DLG2: variants seen among roughly 807,000 people sequenced by gnomAD.
DLG2 encodes discs large MAGUK scaffold protein 2, also known as disks large homolog 2.
A neutral mutation model predicts 132.5 loss-of-function variants in DLG2; 45 were observed. That is an observed-to-expected ratio of 0.34 (90% CI 0.27 to 0.44). DLG2 has a LOEUF of 0.44. Ranked by LOEUF, DLG2 falls within the 20% of genes least tolerant of loss-of-function variation. The pLI is 1.00. For missense variants in DLG2, 1,045 were observed against 1,196.9 expected (o/e 0.87, Z 1.87); for synonymous variants, 424 against 419.6 (o/e 1.01, Z -0.13).
chr11:83,808,822 T>G (rs1332920992), intron 17 of DLG2, among the ~76,000 whole-genome samples: 1 of 152,144 alleles, frequency 6.6e-6, no homozygotes, highest in African/African-American at 2.4e-5. Context: ...GATTCTCATT[T>G]TTTTTCCTCT....
At position 83,469,369 on chromosome 11, in the gene DLG2, A is replaced by T. The variant is rs1435226290; in HGVS notation, c.2451T>A (p.Thr817=). 1.9e-6 allele frequency: 3 copies of T among 1,608,212 alleles called. No individual in the cohort carries two copies. The highest frequency in any genetic ancestry group is 2.5e-6 in the Non-Finnish European group (3 of 1,178,078). Residue 817 remains threonine (T), a synonymous_variant, in exon 25 of 28, where the codon ACT becomes ACA. Coordinates refer to ENST00000376104, the MANE Select transcript of DLG2 (RefSeq NM_001142699.3). The stretch of plus-strand genomic sequence containing the variant: ...CCTCGTAGTCTCGCTTTGGCCTCGT[A>T]GTATCTTTATAAAACAAAAAATGAT... ...PDKFGSCVPH[T]TRPKRDYEVD...
intron 18 of DLG2, among the ~76,000 whole-genome samples, chr11:83,767,861 T>A (rs909110203): frequency 2.6e-5 from 4 of 152,204 alleles, no homozygotes; most frequent in African/African-American, 9.7e-5. Context: ...TAGGTGTTAG[T>A]CCCTTTTCAC....
chr11:85,179,207 G>A (rs1321153887), intron 4 of DLG2, among the ~76,000 whole-genome samples: 2 of 151,820 alleles, frequency 1.3e-5, no homozygotes, highest in African/African-American at 4.8e-5. Context: ...AATAATTGCT[G>A]TCCTATAAGC....
chr11:85,053,400 A>G (rs922798291), intron 6 of DLG2, among the ~76,000 whole-genome samples: 6 of 152,124 alleles, frequency 3.9e-5, no homozygotes, highest in African/African-American at 1.2e-4. Context: ...TCTACCACAT[A>G]AGATGACTGA....
intron 6 of DLG2, among the ~76,000 whole-genome samples, chr11:84,604,059 T>C (rs1175856132): frequency 2.6e-5 from 4 of 151,986 alleles, no homozygotes; most frequent in Non-Finnish European, 1.5e-5. Flanking sequence ...TACTAATTTA[T>C]CCTTAAATTG....
At chr11:83,551,243 T>C (rs1565761910) in intron 19 of DLG2, among the ~76,000 whole-genome samples, 1 of 152,088 alleles carries the variant, frequency 6.6e-6, no homozygotes, top group Non-Finnish European at 1.5e-5. Context: ...TCTAAAAAAA[T>C]CTAAATTTTT....
chr11:85,429,231 C>A lies in DLG2; in HGVS notation c.41-143866G>T, dbSNP rs541866064. Among the ~76,000 whole-genome samples, 51 of 152,154 alleles carry A rather than the reference C, an allele frequency of 3.4e-4. 1 individual carries two copies. Among genetic ancestry groups the A allele is most frequent in the Non-Finnish European group, 6.9e-4 (47 of 68,020 alleles). The stretch of plus-strand genomic sequence containing the variant: ...GGAGCTGGTACCATTCCTTCTGAAA[C>A]TATTCCAATCAGAAAAAGAGGGAAT... On this transcript the variant is annotated intron_variant, in intron 3 of 27. Transcript: ENST00000376104.
At chr11:83,878,514 T>C (rs1367140452) in intron 15 of DLG2, among the ~76,000 whole-genome samples, 1 of 152,140 alleles carries the variant, frequency 6.6e-6, no homozygotes, top group Non-Finnish European at 1.5e-5. Context: ...TGTTAGAAAA[T>C]ACTGAACTCC....
In DLG2 at chr11:83,933,049, G is replaced by A. The variant is rs140713700; in HGVS notation, c.1341-2566C>T. ...AGTTCCAGAAGGCCTAATACTGGGA[G>A]CCAGCATTCTTAGTCTTTCCCTGCA... On this transcript the variant is annotated intron_variant, in intron 14 of 27. Transcript: ENST00000376104. Among the ~76,000 whole-genome samples, 941 of 152,292 alleles carry A rather than the reference G, an allele frequency of 6.2e-3. 8 individuals are homozygous for A. Among genetic ancestry groups the A allele is most frequent in the African/African-American group, 0.021 (873 of 41,556 alleles).
chr11:84,819,076 TACACACACACAC>T (rs111644735), intron 6 of DLG2, among the ~76,000 whole-genome samples: 2 of 129,516 alleles, frequency 1.5e-5, no homozygotes, highest in South Asian at 2.7e-4. Context: ...CACTCACAAA[TACACACACACAC>T]ACACACACAC....
intron 6 of DLG2, 133 bp from the exon 7 acceptor site, chr11:84,534,864 G>A: frequency 9.7e-7 from 1 of 1,032,236 alleles, no homozygotes; most frequent in Non-Finnish European, 1.5e-6. Flanking sequence ...AATGGGCTTT[G>A]CTGCAGACTC....
intron 10 of DLG2, among the ~76,000 whole-genome samples, chr11:84,092,227 G>A (rs2097103974): frequency 1.3e-5 from 2 of 152,208 alleles, no homozygotes; most frequent in African/African-American, 4.8e-5. Flanking sequence ...GGGCATCTTA[G>A]AATTTTGCCT....
chr11:85,166,069 A>G (rs1476283533), intron 4 of DLG2, among the ~76,000 whole-genome samples: 3 of 152,044 alleles, frequency 2.0e-5, no homozygotes, highest in Non-Finnish European at 2.9e-5. Flanking sequence ...CTGACTTTCT[A>G]TACTCCTCAT....
At chr11:84,292,670 T>C (rs746405789) in intron 7 of DLG2, among the ~76,000 whole-genome samples, 1 of 152,158 alleles carries the variant, frequency 6.6e-6, no homozygotes, top group Admixed American at 6.5e-5. Flanking sequence ...AAAGACTCTA[T>C]TAAGCCTTGT....
intron 3 of DLG2, among the ~76,000 whole-genome samples, chr11:85,409,962 G>A (rs927274423): frequency 4.0e-5 from 6 of 151,816 alleles, no homozygotes; most frequent in Non-Finnish European, 7.4e-5. Context: ...TTTCATCCTG[G>A]AGACAAAAGA....
intron 11 of DLG2, among the ~76,000 whole-genome samples, chr11:83,985,688 C>CA (rs2093223308): frequency 6.6e-6 from 1 of 152,104 alleles, no homozygotes; most frequent in South Asian, 2.1e-4. Context: ...GACATGATCT[C>CA]ATTCCTTTTT....
chr11:85,214,929 T>G (rs1025273744), intron 4 of DLG2, among the ~76,000 whole-genome samples: 19 of 152,158 alleles, frequency 1.2e-4, no homozygotes, highest in Admixed American at 2.6e-4. Flanking sequence ...GACAAATTGC[T>G]CCATAATACT....
At chr11:84,948,437 A>G (rs1413361054) in intron 6 of DLG2, among the ~76,000 whole-genome samples, 1 of 152,206 alleles carries the variant, frequency 6.6e-6, no homozygotes, top group Non-Finnish European at 1.5e-5. Flanking sequence ...AGACATGACC[A>G]AAGAAAGCAA....
chr11:84,142,653 T>C (rs972979119), intron 9 of DLG2, among the ~76,000 whole-genome samples: 8 of 152,090 alleles, frequency 5.3e-5, no homozygotes, highest in Non-Finnish European at 1.2e-4. Flanking sequence ...AGGTCCCAGA[T>C]AGAACAAAAA....
Sources: gnomAD v4.1 joint callset for allele counts (sites outside exome capture counted in the v4.1 genomes callset) on GRCh38, gnomAD v4.1.1 for gene constraint, MANE v1.5 for transcripts, NCBI Gene and HGNC (gene_info 2026-07-23, HGNC 2026-07-21) for gene names.